The following INSYN2B variants were observed in gnomAD, a reference collection of about 807,000 sequenced individuals.
The protein encoded by INSYN2B is inhibitory synaptic factor family member 2B.
A neutral mutation model predicts 41.2 loss-of-function variants in INSYN2B; 16 were observed. The observed-to-expected ratio is 0.39, with a 90% CI of 0.26 to 0.59. The LOEUF is 0.59. INSYN2B is among the 20% of genes least tolerant of loss of function. The pLI is 0.57. For synonymous variants in INSYN2B, 245 were observed against 244.4 expected (o/e 1.00, Z -0.02); for missense variants, 608 against 646.4 (o/e 0.94, Z 0.64).
intron 3 of INSYN2B, chr5:169,875,302 CA>C (rs1189084775): frequency 2.2e-6 from 1 of 456,692 alleles, no homozygotes; most frequent in East Asian, 6.9e-5. Context: ...TGAAACCCAG[CA>C]ACAAGTTTCC....
chr5:169,901,146 T>C (rs575273620), intron 1 of INSYN2B, among the ~76,000 whole-genome samples: 1 of 152,186 alleles, frequency 6.6e-6, no homozygotes, highest in South Asian at 2.1e-4. Context: ...GATGTTTGCA[T>C]TGAGGAGGGA....
rs901258905 is a variant in INSYN2B, at chr5:169,952,697, C to G, written c.-919+27580G>C. Among the ~76,000 whole-genome samples, 14 of 152,144 alleles carry G rather than the reference C, an allele frequency of 9.2e-5. No individual in the cohort carries two copies. The East Asian group carries it at 2.5e-3, about 27-fold the overall frequency. On this transcript the variant is annotated intron_variant, in intron 1 of 3. Transcript: ENST00000377365. ...TTCCTAATCCCGTGGATATCATGCT[C>G]CAGCCAGCCTTGCCCCTGGAATGGA...
chr5:169,930,588 A>G (rs1775704473), intron 1 of INSYN2B, among the ~76,000 whole-genome samples: 1 of 152,260 alleles, frequency 6.6e-6, no homozygotes, highest in Admixed American at 6.5e-5. Context: ...TTAAAAATGA[A>G]TGTGGTGGCT....
At chr5:169,971,418 C>A (rs1275729656) in intron 1 of INSYN2B, among the ~76,000 whole-genome samples, 1 of 129,794 alleles carries the variant, frequency 7.7e-6, no homozygotes, top group Non-Finnish European at 1.6e-5. Context: ...TGCCCCTTTC[C>A]TCCTAGAGCC....
intron 1 of INSYN2B, among the ~76,000 whole-genome samples, chr5:169,971,745 C>A (rs1777516337): frequency 6.6e-6 from 1 of 152,228 alleles, no homozygotes; most frequent in Non-Finnish European, 1.5e-5. Flanking sequence ...TAGGCAGGTG[C>A]CTGCATGGCA....
chr5:169,958,284 G>A (rs1003811344), intron 1 of INSYN2B, among the ~76,000 whole-genome samples: 1 of 152,036 alleles, frequency 6.6e-6, no homozygotes, highest in African/African-American at 2.4e-5. Context: ...TTAATAAGAA[G>A]CTTATGAATC....
In INSYN2B at chr5:169,897,995, G is replaced by T. The variant is rs997586281; in HGVS notation, c.-918-13179C>A. Among the ~76,000 whole-genome samples the T allele has an allele frequency of 3.3e-5, 5 of 152,308 alleles. 1 individual carries two copies. Among genetic ancestry groups the T allele is most frequent in the African/African-American group, 1.2e-4 (5 of 41,574 alleles). On this transcript the variant is annotated intron_variant, in intron 1 of 3. Transcript: ENST00000377365. ...GAGCAATCAAATCACTTTTTAAAAT[G>T]ATTCTTTAAGATGAAGAGTATTAGG...
chr5:169,890,039 G>A (rs1773193688), intron 1 of INSYN2B, among the ~76,000 whole-genome samples: 1 of 152,188 alleles, frequency 6.6e-6, no homozygotes, highest in South Asian at 2.1e-4. Flanking sequence ...GGGAGGCTGG[G>A]AAGCATTATC....
chr5:169,974,764 C>T (rs946081943), intron 1 of INSYN2B, among the ~76,000 whole-genome samples: 2 of 152,138 alleles, frequency 1.3e-5, no homozygotes, highest in East Asian at 3.9e-4. Context: ...AGAAGCCCAT[C>T]GTTGTTGTAT....
At chr5:169,910,044 C>T (rs1774508379) in intron 1 of INSYN2B, among the ~76,000 whole-genome samples, 1 of 152,076 alleles carries the variant, frequency 6.6e-6, no homozygotes. Context: ...ACAAATTTGC[C>T]ATGAGGACAC....
At chr5:169,921,473 C>G (rs73325990) in intron 1 of INSYN2B, among the ~76,000 whole-genome samples, 2,850 of 152,324 alleles carry the variant, frequency 0.019, 87 homozygotes, top group African/African-American at 0.066. Context: ...TTCCCAAACA[C>G]ATTCCATGGA....
At chr5:169,917,897 A>G (rs908319816) in intron 1 of INSYN2B, among the ~76,000 whole-genome samples, 1 of 152,238 alleles carries the variant, frequency 6.6e-6, no homozygotes, top group Non-Finnish European at 1.5e-5. Flanking sequence ...GAAATGGGAC[A>G]TTAAATAAAG....
rs542882383 is a variant in INSYN2B at position 169,970,064 on chromosome 5, C to T, written c.-919+10213G>A. On this transcript the variant is annotated intron_variant, in intron 1 of 3. Transcript: ENST00000377365. ...CTGGCTACAGTGATGTAAGTGAAGC[C>T]TCCCATGTCCCACCCTGTTACTGCC... Among the ~76,000 whole-genome samples, 5 of 152,322 alleles carry T rather than the reference C, an allele frequency of 3.3e-5. No individual in the cohort carries two copies. In the South Asian group the frequency reaches 1.0e-3, roughly 32 times the overall value.
intron 1 of INSYN2B, among the ~76,000 whole-genome samples, chr5:169,900,090 AG>A (rs1211058564): frequency 1.3e-5 from 2 of 152,036 alleles, no homozygotes; most frequent in Non-Finnish European, 1.5e-5. Flanking sequence ...CCTTCTACTA[AG>A]CACCCACTAT....
chr5:169,937,169 G>A (rs1776035657), intron 1 of INSYN2B, among the ~76,000 whole-genome samples: 2 of 152,330 alleles, frequency 1.3e-5, no homozygotes, highest in South Asian at 4.1e-4. Context: ...TTGTATAGTT[G>A]TCCAGAGCTG....
chr5:169,890,752 T>C (rs1773233357), intron 1 of INSYN2B, among the ~76,000 whole-genome samples: 1 of 152,218 alleles, frequency 6.6e-6, no homozygotes, highest in African/African-American at 2.4e-5. Flanking sequence ...ATGTGCTGAT[T>C]GTGAAATCTT....
At chr5:169,892,155 T>C (rs1323289321) in intron 1 of INSYN2B, among the ~76,000 whole-genome samples, 1 of 152,064 alleles carries the variant, frequency 6.6e-6, no homozygotes, top group Non-Finnish European at 1.5e-5. Context: ...AATTCCAATA[T>C]CTAAAACACA....
intron 3 of INSYN2B, among the ~76,000 whole-genome samples, chr5:169,866,407 T>C (rs953435556): frequency 6.6e-6 from 1 of 152,250 alleles, no homozygotes; most frequent in African/African-American, 2.4e-5. Flanking sequence ...GGCTATGGTG[T>C]CCTCATCTGC....
At chr5:169,915,771 A>T (rs1774842949) in intron 1 of INSYN2B, among the ~76,000 whole-genome samples, 1 of 152,190 alleles carries the variant, frequency 6.6e-6, no homozygotes, top group African/African-American at 2.4e-5. Flanking sequence ...TGTTTTACTG[A>T]AGAGTCTACA....
Sources: allele counts gnomAD v4.1 joint callset (sites outside exome capture counted in the v4.1 genomes callset), GRCh38; gene constraint gnomAD v4.1.1; transcripts MANE v1.5; gene names NCBI Gene and HGNC (gene_info 2026-07-23, HGNC 2026-07-21).